Variants in FERMT2 observed in about 807,000 individuals in gnomAD.
FERMT2 encodes FERM domain containing kindlin 2.
FERMT2 carries 15 observed loss-of-function variants against 82.7 expected under a neutral mutation model. The observed-to-expected ratio is 0.18, with a 90% confidence interval of 0.12 to 0.28. The LOEUF (loss-of-function observed/expected upper bound fraction) is 0.28, where lower values mean the gene tolerates loss of function less well. FERMT2 is among the 10% of genes least tolerant of loss of function. FERMT2 has a pLI of 1.00. For synonymous variants in FERMT2, 274 were observed against 271.5 expected (o/e 1.01, Z -0.09); for missense variants, 645 against 809.4 (o/e 0.80, Z 2.46).
In FERMT2 at chr14:52,860,724, T is replaced by C. The variant is rs1196328755; in HGVS notation, c.1603-259A>G. The C allele has an allele frequency of 9.0e-6, 5 of 556,760 alleles. No homozygotes were observed. In the African/African-American group the frequency reaches 9.6e-5, roughly 11 times the overall value. 34.5% of individuals were successfully genotyped at this position (556,760 alleles called of 1,614,324 possible). A position where few individuals can be genotyped will look rare whatever the true frequency, so the allele number is the denominator to read the frequency against. On this transcript the variant is annotated intron_variant, in intron 12 of 14. Transcript: ENST00000341590. ...GTACATAGTTGCCACACTTGAGACA[T>C]ATTCCAAATGCATACACCTAACGGT...
chr14:52,898,134 G>A lies in FERMT2; in HGVS notation c.392-4707C>T, dbSNP rs1887408027. 2.0e-5 allele frequency among the ~76,000 whole-genome samples: 3 copies of A among 152,056 alleles called. No individual in the cohort carries two copies. In the South Asian group the frequency reaches 6.2e-4, roughly 32 times the overall value. On this transcript the variant is annotated intron_variant, in intron 3 of 14. Transcript: ENST00000341590. ...AATTAGCAGAAGAACTATCCTGAAC[G>A]AATATGTGACCACAGAGTAGGTAAA... is the stretch of plus-strand genomic sequence containing the variant.
intron 4 of FERMT2, among the ~76,000 whole-genome samples, chr14:52,892,171 T>G (rs1034836759): frequency 1.3e-4 from 2 of 15,504 alleles, no homozygotes; most frequent in African/African-American, 1.6e-4. Flanking sequence ...TTTTTGTTTT[T>G]TTTTTTTTTT....
At chr14:52,865,018 T>C (rs1885183875) in intron 10 of FERMT2, among the ~76,000 whole-genome samples, 165 bp from the exon 11 acceptor site, 1 of 152,168 alleles carries the variant, frequency 6.6e-6, no homozygotes, top group Non-Finnish European at 1.5e-5. Flanking sequence ...CTTGGGAAGC[T>C]GGAATGAAAA....
chr14:52,949,522 G>A (rs531809863), intron 2 of FERMT2, among the ~76,000 whole-genome samples: 2 of 151,154 alleles, frequency 1.3e-5, no homozygotes, highest in African/African-American at 4.9e-5. Context: ...TGTACAAAAG[G>A]CTCTTTAAAG....
In FERMT2 at chr14:52,864,812, AT is replaced by A; in HGVS notation, c.1314del (p.Lys438AsnfsTer7). The A allele has an allele frequency of 6.2e-7, 1 of 1,612,116 alleles. No homozygotes were observed. The highest frequency in any genetic ancestry group is 8.5e-7 in the Non-Finnish European group (1 of 1,178,290). On this transcript the variant is annotated frameshift_variant, in exon 11 of 15. Transcript: ENST00000341590. LOFTEE classifies it high-confidence loss of function. Reference protein sequence around the residue: ...VTPDVNISGQKFNIKLLIPVA... With the variant: ...VTPDVNISGQXFNIKLLIPVA... ...ACTGGAATCAGGAGTTTAATGTTAA[AT>A]TTTTGGCCTGAAATGTTTACATCTG...
intron 3 of FERMT2, among the ~76,000 whole-genome samples, chr14:52,903,676 C>A (rs369138364): frequency 7.9e-5 from 12 of 152,196 alleles, no homozygotes; most frequent in African/African-American, 2.4e-4. Context: ...TCCAACAATT[C>A]TATCAAAGGG....
chr14:52,864,272 A>G, intron 12 of FERMT2, 129 bp downstream of exon 12: 1 of 654,566 alleles, frequency 1.5e-6, no homozygotes, highest in Non-Finnish European at 2.6e-6. Context: ...CTCTAACTGT[A>G]TTTTATATTC....
chr14:52,896,809 G>A (rs183560373), intron 3 of FERMT2, among the ~76,000 whole-genome samples: 20 of 152,010 alleles, frequency 1.3e-4, no homozygotes, highest in African/African-American at 4.8e-4. Flanking sequence ...GGGCAACCTA[G>A]GAAGACCTTT....
At chr14:52,920,541 G>A (rs1039939875) in intron 2 of FERMT2, among the ~76,000 whole-genome samples, 1 of 152,152 alleles carries the variant, frequency 6.6e-6, no homozygotes, top group Non-Finnish European at 1.5e-5. Context: ...TGCTGAGGTA[G>A]GAGGATCACT....
rs534870700 is a variant in FERMT2, at chr14:52,876,600, A to C, written c.964-1243T>G. Among the ~76,000 whole-genome samples, 16 of 152,282 alleles carry C rather than the reference A, an allele frequency of 1.1e-4. No homozygotes were observed. The South Asian group carries it at 3.1e-3, about 30-fold the overall frequency. On this transcript the variant is annotated intron_variant, in intron 7 of 14. Coordinates refer to ENST00000341590, the MANE Select transcript of FERMT2 (RefSeq NM_006832.3). ...TTTCAAAAGTGCAAGGGATATCTTA[A>C]ATTTCTTAATACATACTCTGACTTA...
At chr14:52,877,136 A>G (rs1228109573) in intron 7 of FERMT2, among the ~76,000 whole-genome samples, 2 of 152,170 alleles carry the variant, frequency 1.3e-5, no homozygotes, top group Admixed American at 1.3e-4. Flanking sequence ...AGCACCTACT[A>G]TGTGCCAGGC....
chr14:52,922,234 A>G (rs1174464392), intron 2 of FERMT2, among the ~76,000 whole-genome samples: 1 of 152,214 alleles, frequency 6.6e-6, no homozygotes, highest in African/African-American at 2.4e-5. Context: ...AAGATGAGGT[A>G]TCTCTCCACT....
Position 52,893,335 on chromosome 14 carries a change from C to T in FERMT2, c.484G>A (p.Glu162Lys). 1 of 1,612,402 alleles carries T rather than the reference C, an allele frequency of 6.2e-7. No individual in the cohort carries two copies. The highest frequency in any genetic ancestry group is 1.1e-5 in the South Asian group (1 of 90,660). Reference sequence around the variant, plus strand: ...AGAGGCCCCTCTAATTCAAGTGCCTCATCTTCAGACTGGTCATCTAGCTTC... The same window carrying T: ...AGAGGCCCCTCTAATTCAAGTGCCTTATCTTCAGACTGGTCATCTAGCTTC... ...KKKLDDQSED[E>K]ALELEGPLIT... Residue 162 changes from glutamate (E) to lysine (K), a missense_variant, in exon 4 of 15, where the codon GAG becomes AAG. Coordinates refer to ENST00000341590, the MANE Select transcript of FERMT2 (RefSeq NM_006832.3).
chr14:52,887,076 C>T (rs1225564081), intron 4 of FERMT2, among the ~76,000 whole-genome samples: 2 of 151,256 alleles, frequency 1.3e-5, no homozygotes, highest in Non-Finnish European at 2.9e-5. Flanking sequence ...GCATGTGATA[C>T]TTTTGTACTT....
At chr14:52,902,877 A>AAC (rs1420085855) in intron 3 of FERMT2, among the ~76,000 whole-genome samples, 1 of 138,280 alleles carries the variant, frequency 7.2e-6, no homozygotes, top group Non-Finnish European at 1.5e-5. Context: ...TCAAAAAAAA[A>AAC]AAAAAAAAAA....
At chr14:52,918,950 T>C (rs1189949425) in intron 3 of FERMT2, among the ~76,000 whole-genome samples, 173 bp downstream of exon 3, 1 of 152,216 alleles carries the variant, frequency 6.6e-6, no homozygotes, top group East Asian at 1.9e-4. Context: ...CTGTTCCACC[T>C]TAACCCAGCA....
At chr14:52,907,714 A>G (rs972132622) in intron 3 of FERMT2, among the ~76,000 whole-genome samples, 5 of 152,042 alleles carry the variant, frequency 3.3e-5, no homozygotes, top group African/African-American at 1.2e-4. Flanking sequence ...AGCAAAACGA[A>G]GGTCGTAATA....
chr14:52,950,677 G>C (rs1480108921), intron 1 of FERMT2, 100 bp from the exon 2 acceptor site: 3 of 1,249,468 alleles, frequency 2.4e-6, no homozygotes, highest in Non-Finnish European at 3.4e-6. Flanking sequence ...GGAGGTGGTG[G>C]AGGACCCGGG....
intron 2 of FERMT2, among the ~76,000 whole-genome samples, chr14:52,926,411 AACACACACACACACACACACACACAC>A (rs34726532): frequency 6.8e-6 from 1 of 146,976 alleles, no homozygotes; most frequent in Admixed American, 6.8e-5. Context: ...GACCAAGTGC[AACACACACACACACACACACACACAC>A]ACACACACAC....
Sources: gnomAD v4.1 joint callset for allele counts (sites outside exome capture counted in the v4.1 genomes callset) on GRCh38, gnomAD v4.1.1 for gene constraint, MANE v1.5 for transcripts, NCBI Gene and HGNC (gene_info 2026-07-23, HGNC 2026-07-21) for gene names.